AGPAT5: variants seen among roughly 807,000 people sequenced by gnomAD.
The protein encoded by AGPAT5 is 1-acylglycerol-3-phosphate O-acyltransferase 5.
Under a neutral mutation model 45.6 loss-of-function variants are expected in AGPAT5, and 46 were observed. That is an observed-to-expected ratio of 1.01 (90% CI 0.80 to 1.29). AGPAT5 has a LOEUF of 1.29. AGPAT5 is among the 50% of genes most tolerant of loss of function. The pLI is 0.00. For missense variants in AGPAT5, 673 were observed against 450.7 expected, an observed-to-expected ratio of 1.49 and a Z score of -4.47; for synonymous variants, 272 against 167.0, an observed-to-expected ratio of 1.63 and a Z score of -4.85.
chr8:6,742,768 A>G (rs970051954), intron 5 of AGPAT5, among the ~76,000 whole-genome samples: 2 of 152,190 alleles, frequency 1.3e-5, no homozygotes, highest in African/African-American at 4.8e-5. Context: ...ATCATTTGTA[A>G]CAGTACTTTT....
At chr8:6,750,227 C>G (rs944852362) in intron 6 of AGPAT5, among the ~76,000 whole-genome samples, 2 of 152,188 alleles carry the variant, frequency 1.3e-5, no homozygotes, top group African/African-American at 4.8e-5. Context: ...TAGCACAGGG[C>G]TCTGCCTTTC....
chr8:6,745,183 T>C (rs2116937705), intron 5 of AGPAT5: 1 of 154,318 alleles, frequency 6.5e-6, no homozygotes, highest in Admixed American at 6.5e-5. Flanking sequence ...GAAGCTGCCA[T>C]GTCTAAGAAG....
intron 1 of AGPAT5, among the ~76,000 whole-genome samples, chr8:6,714,127 G>C (rs976723626): frequency 3.0e-4 from 46 of 152,106 alleles, no homozygotes; most frequent in African/African-American, 9.4e-4. Context: ...GTTGCCCAGC[G>C]TCGTCTCTGA....
intron 2 of AGPAT5, among the ~76,000 whole-genome samples, chr8:6,730,418 C>CTT (rs1800824450): frequency 2.1e-5 from 1 of 48,448 alleles, no homozygotes; most frequent in Non-Finnish European, 3.2e-5. Flanking sequence ...CAGGCTCCGC[C>CTT]CCCTGGGGTT....
chr8:6,740,700 A>G (rs1048013753), intron 4 of AGPAT5, among the ~76,000 whole-genome samples: 2 of 152,022 alleles, frequency 1.3e-5, no homozygotes, highest in Non-Finnish European at 2.9e-5. Flanking sequence ...ATAGGTTTTT[A>G]AGTAGGAGCT....
chr8:6,748,056 A>G (rs1254044274), intron 6 of AGPAT5, among the ~76,000 whole-genome samples: 1 of 152,208 alleles, frequency 6.6e-6, no homozygotes, highest in East Asian at 1.9e-4. Flanking sequence ...ACCAATTATC[A>G]TTAATCCAGC....
At chr8:6,709,039 A>C (rs775186694) in intron 1 of AGPAT5, 152 bp downstream of exon 1, 2 of 786,760 alleles carry the variant, frequency 2.5e-6, no homozygotes, top group African/African-American at 1.7e-5. Context: ...TCCTCTCCGC[A>C]TGCTTCCTGC....
In AGPAT5 at chr8:6,760,081, A is replaced by G. The variant is rs1801981330; in HGVS notation, c.*2693A>G. ...AACAATTTTGCTTAATATGGGTTAC[A>G]TAAGCTTTATTTTTTCCTTTGTTCA... is the stretch of plus-strand genomic sequence containing the variant. On this transcript the variant is annotated 3_prime_UTR_variant, in exon 8 of 8. Transcript: ENST00000285518. Among the ~76,000 whole-genome samples the G allele has an allele frequency of 6.6e-6, 1 of 152,218 alleles. No individual in the cohort carries two copies. The highest frequency in any genetic ancestry group is 1.5e-5 in the Non-Finnish European group (1 of 68,038).
intron 4 of AGPAT5, chr8:6,738,622 G>T (rs1377081733): frequency 6.6e-6 from 1 of 152,020 alleles, no homozygotes; most frequent in African/African-American, 2.4e-5. Flanking sequence ...ACCTTCAATG[G>T]GAAAAAAATG....
intron 5 of AGPAT5, among the ~76,000 whole-genome samples, chr8:6,743,138 A>G (rs1329028759): frequency 2.0e-5 from 3 of 152,074 alleles, no homozygotes; most frequent in African/African-American, 7.2e-5. Flanking sequence ...CTCTCTGGCG[A>G]TTACTTCCTA....
chr8:6,747,648 A>G, intron 5 of AGPAT5, 22 bp from the exon 6 acceptor site: 1 of 1,598,110 alleles, frequency 6.3e-7, no homozygotes, highest in Non-Finnish European at 8.5e-7. Flanking sequence ...CTAATTAATG[A>G]CGGCACTGAA....
chr8:6,742,057 T>C, intron 5 of AGPAT5, among the ~76,000 whole-genome samples: 1 of 152,186 alleles, frequency 6.6e-6, no homozygotes, highest in East Asian at 1.9e-4. Context: ...TTCTACAGTG[T>C]ATGGGTTATA....
chr8:6,720,925 T>C (rs545052212), intron 1 of AGPAT5, among the ~76,000 whole-genome samples: 113 of 152,306 alleles, frequency 7.4e-4, no homozygotes, highest in Non-Finnish European at 2.5e-4. Flanking sequence ...GAGAGAGCAG[T>C]GAGCCGTGAT....
intron 1 of AGPAT5, among the ~76,000 whole-genome samples, chr8:6,723,108 T>A (rs1800563058): frequency 6.6e-6 from 1 of 152,344 alleles, no homozygotes; most frequent in South Asian, 2.1e-4. Flanking sequence ...TATTTATGTT[T>A]ATTCTGAAAC....
intron 1 of AGPAT5, among the ~76,000 whole-genome samples, chr8:6,716,443 C>G (rs1800332381): frequency 6.6e-6 from 1 of 151,998 alleles, no homozygotes; most frequent in South Asian, 2.1e-4. Flanking sequence ...TGCCTGTAGT[C>G]CTAGCTACTC....
At position 6,760,085 on chromosome 8, in the gene AGPAT5, G is replaced by A. The variant is rs1801981406; in HGVS notation, c.*2697G>A. Among the ~76,000 whole-genome samples, 1 of 152,126 alleles carries A rather than the reference G, an allele frequency of 6.6e-6. No individual in the cohort carries two copies. Among genetic ancestry groups the A allele is most frequent in the African/African-American group, 2.4e-5 (1 of 41,420 alleles). ...ATTTTGCTTAATATGGGTTACATAA[G>A]CTTTATTTTTTCCTTTGTTCATAAT... On this transcript the variant is annotated 3_prime_UTR_variant, in exon 8 of 8. Coordinates refer to ENST00000285518, the MANE Select transcript of AGPAT5 (RefSeq NM_018361.5).
Position 6,757,151 on chromosome 8 carries a change from T to C in AGPAT5, c.870-12T>C, listed in dbSNP as rs776131170. 3.1e-6 allele frequency: 5 copies of C among 1,604,546 alleles called. No individual in the cohort carries two copies. Among genetic ancestry groups the C allele is most frequent in the African/African-American group, 1.3e-5 (1 of 74,514 alleles). On this transcript the variant is annotated splice_polypyrimidine_tract_variant and intron_variant, in intron 7 of 7. Transcript: ENST00000285518. ...GTGACTAAAATCTAAACTTTTTCCATTCTGGCCATAGGATGCTTATAGAAT... is the reference window on the plus strand; with the variant it reads ...GTGACTAAAATCTAAACTTTTTCCACTCTGGCCATAGGATGCTTATAGAAT...
rs542842557 is a variant in AGPAT5 at position 6,760,791 on chromosome 8, T to C, written c.*3403T>C. Among the ~76,000 whole-genome samples, 1 of 151,948 alleles carries C rather than the reference T, an allele frequency of 6.6e-6. No homozygotes were observed. Among genetic ancestry groups the C allele is most frequent in the South Asian group, 2.1e-4 (1 of 4,828 alleles). On this transcript the variant is annotated 3_prime_UTR_variant, in exon 8 of 8. Transcript: ENST00000285518. The stretch of plus-strand genomic sequence containing the variant: ...ATCACTTAGTATAATTGACATTATA[T>C]AGAGACTATGTAACATGCAATCATT...
chr8:6,731,349 C>T (rs1363061259), intron 3 of AGPAT5, among the ~76,000 whole-genome samples: 2 of 152,086 alleles, frequency 1.3e-5, no homozygotes, highest in East Asian at 3.9e-4. Flanking sequence ...GTTTTAGAAC[C>T]ACCACAGATA....
Sources: allele counts gnomAD v4.1 joint callset (sites outside exome capture counted in the v4.1 genomes callset), GRCh38; gene constraint gnomAD v4.1.1; transcripts MANE v1.5; gene names NCBI Gene and HGNC (gene_info 2026-07-23, HGNC 2026-07-21).